The following TUT4 variants were observed in gnomAD, a reference collection of about 807,000 sequenced individuals.
The protein encoded by TUT4 is terminal uridylyltransferase 4.
In TUT4, 36 loss-of-function variants were observed where a neutral mutation model predicts 192.2. The observed-to-expected ratio is 0.19, with a 90% confidence interval of 0.14 to 0.25. The LOEUF (loss-of-function observed/expected upper bound fraction) is 0.25, where lower values mean the gene tolerates loss of function less well. TUT4 is among the 10% of genes least tolerant of loss of function. The probability of loss-of-function intolerance (pLI) is 1.00; values close to 1 mark genes in which losing one functional copy is unlikely to be tolerated. For synonymous variants in TUT4, 618 were observed against 666.0 expected (o/e 0.93, Z 1.11); for missense variants, 1,493 against 1,957.2 (o/e 0.76, Z 4.47).
In TUT4 at chr1:52,496,995, TG is replaced by T. The variant is rs764195148; in HGVS notation, c.1177+10del. On this transcript the variant is annotated intron_variant, in intron 5 of 29. Transcript: ENST00000257177. ...GTGATTTTCAAAATCAAATATGAAA[TG>T]TATTTCTACCTGGTAAAAATGTCGT... 1.9e-6 allele frequency: 3 copies of T among 1,609,168 alleles called. No homozygotes were observed. Among genetic ancestry groups the T allele is most frequent in the Non-Finnish European group, 8.5e-7 (1 of 1,178,430 alleles).
chr1:52,468,543 C>T (rs1455622880), intron 14 of TUT4: 2 of 293,786 alleles, frequency 6.8e-6, no homozygotes, highest in African/African-American at 4.5e-5. Context: ...TGATCATTTT[C>T]CGTATATCTA....
intron 13 of TUT4, 102 bp from the exon 14 acceptor site, chr1:52,472,204 TA>T (rs1665952950): frequency 8.9e-7 from 1 of 1,121,326 alleles, no homozygotes; most frequent in East Asian, 2.7e-5. Context: ...TCAGTTTTGA[TA>T]ACCTGTGCTT....
chr1:52,470,133 A>G (rs1370450970), intron 14 of TUT4, among the ~76,000 whole-genome samples: 3 of 152,068 alleles, frequency 2.0e-5, no homozygotes, highest in Non-Finnish European at 2.9e-5. Context: ...ATATACATGC[A>G]GTGCCAGGAG....
At chr1:52,488,430 A>G (rs1670328844) in intron 9 of TUT4, among the ~76,000 whole-genome samples, 1 of 152,246 alleles carries the variant, frequency 6.6e-6, no homozygotes, top group Non-Finnish European at 1.5e-5. Flanking sequence ...AATTAAGACT[A>G]ATTTAGGAAA....
Position 52,468,433 on chromosome 1 carries a change from T to C in TUT4, c.2879-166A>G, listed in dbSNP as rs535971386. ...TGTTACTGGGGAAGGGTCTGGGAGA[T>C]AGAAGGAAAAAAACTGTTTTTCTGT... On this transcript the variant is annotated intron_variant, in intron 14 of 29. Transcript: ENST00000257177. 7.4e-5 allele frequency: 39 copies of C among 528,780 alleles called. No individual in the cohort carries two copies. The East Asian group carries it at 1.1e-3, about 15-fold the overall frequency. The allele number at this position is 528,780 out of a possible 1,614,324, so 32.8% of individuals were successfully genotyped here.
chr1:52,471,980 T>C lies in TUT4; in HGVS notation c.2850A>G (p.Ile950Met), dbSNP rs573275538. 16 of 1,613,552 alleles carry C rather than the reference T, an allele frequency of 9.9e-6. No individual in the cohort carries two copies. The highest frequency in any genetic ancestry group is 3.3e-5 in the Admixed American group (2 of 60,002). ...AACATCTTTTACATACTAAATCAAG[T>C]ATTTCCCGAAATCGGTTTGTCATTG... ...LPPMTNRFRE[I>M]LDLVCKRCFD... Residue 950 changes from isoleucine to methionine, a missense_variant, in exon 14 of 30, where the codon ATA (isoleucine) becomes ATG (methionine). By Grantham distance (10) the Ile-to-Met change is conservative. Transcript: ENST00000257177.
At chr1:52,491,376 A>C (rs539167326) in intron 7 of TUT4, among the ~76,000 whole-genome samples, 9 of 152,260 alleles carry the variant, frequency 5.9e-5, no homozygotes, top group African/African-American at 1.9e-4. Context: ...CCCATGCCAT[A>C]AATGTCTAAT....
chr1:52,499,605 G>A (rs1308042870), intron 4 of TUT4, among the ~76,000 whole-genome samples: 1 of 151,904 alleles, frequency 6.6e-6, no homozygotes, highest in Non-Finnish European at 1.5e-5. Flanking sequence ...GCATGGTGGT[G>A]CCTACCTCCA....
intron 2 of TUT4, among the ~76,000 whole-genome samples, 174 bp downstream of exon 2, chr1:52,525,389 G>T (rs1681482317): frequency 6.6e-6 from 1 of 151,786 alleles, no homozygotes; most frequent in African/African-American, 2.4e-5. Context: ...CTTCACCAAG[G>T]ATCAATCTAG....
intron 20 of TUT4, among the ~76,000 whole-genome samples, chr1:52,447,561 C>A (rs986424821): frequency 2.0e-5 from 3 of 151,234 alleles, no homozygotes; most frequent in Non-Finnish European, 4.4e-5. Context: ...AATCCGCTGT[C>A]CTAAGGAGAA....
chr1:52,481,886 G>A lies in TUT4; in HGVS notation c.1553C>T (p.Pro518Leu), dbSNP rs762506124. Residue 518 changes from proline (P) to leucine (L), a missense_variant, in exon 10 of 30, where the codon CCT (proline) becomes CTT (leucine). Pro to Leu is a moderately conservative substitution (Grantham distance 98, BLOSUM62 -3). Coordinates refer to ENST00000257177, the MANE Select transcript of TUT4 (RefSeq NM_001009881.3). ...CACCATTAAAGCAAAACAGTAAGAA[G>A]GGATTCCACCATCAGTTTGGGAGTC... is the stretch of plus-strand genomic sequence containing the variant. ...YIDSQTDGGI[P>L]SYCFALMVMF... 6.3e-7 allele frequency: 1 copy of A among 1,596,162 alleles called. No individual in the cohort carries two copies.
chr1:52,485,285 G>C (rs1669504523), intron 9 of TUT4, among the ~76,000 whole-genome samples: 3 of 151,950 alleles, frequency 2.0e-5, no homozygotes, highest in Non-Finnish European at 2.9e-5. Context: ...TATTTTTATG[G>C]CAGAGAATGG....
chr1:52,474,789 A>C (rs1468575898), intron 13 of TUT4, 43 bp downstream of exon 13: 11 of 1,496,724 alleles, frequency 7.3e-6, no homozygotes, highest in Non-Finnish European at 9.8e-6. Flanking sequence ...TAGTCATACA[A>C]CAACCACAAA....
intron 16 of TUT4, chr1:52,462,287 G>A (rs1237139517): frequency 6.7e-6 from 1 of 149,256 alleles, no homozygotes; most frequent in Non-Finnish European, 1.5e-5. Context: ...CCGGGTTCAT[G>A]CCATTCTCCT....
intron 1 of TUT4, among the ~76,000 whole-genome samples, chr1:52,528,532 G>GT (rs1682483929): frequency 6.6e-6 from 1 of 151,046 alleles, no homozygotes; most frequent in African/African-American, 2.4e-5. Flanking sequence ...AAATCAGGAT[G>GT]TTTTTTACTA....
At chr1:52,441,038 C>T (rs1012801113) in intron 24 of TUT4, among the ~76,000 whole-genome samples, 5 of 152,034 alleles carry the variant, frequency 3.3e-5, no homozygotes, top group East Asian at 1.9e-4. Flanking sequence ...TGTATTTTAA[C>T]TGAAAACGCT....
chr1:52,438,931 A>G (rs1160648294), intron 24 of TUT4, among the ~76,000 whole-genome samples: 1 of 152,136 alleles, frequency 6.6e-6, no homozygotes, highest in Non-Finnish European at 1.5e-5. Flanking sequence ...TTAGCTGAGC[A>G]TGGTGGCGTG....
In TUT4 at chr1:52,474,963, A is replaced by T; in HGVS notation, c.2596T>A (p.Cys866Ser). 1 of 1,614,186 alleles carries T rather than the reference A, an allele frequency of 6.2e-7. No individual in the cohort carries two copies. Among genetic ancestry groups the T allele is most frequent in the Non-Finnish European group, 8.5e-7 (1 of 1,180,028 alleles). ...CAAGAGGTAGCAGATGTGTCGGTGC[A>T]CACACTCTGATGTGAACTCTCTGTT... The part of the protein sequence containing the change: ...LETESSHQSV[C>S]TDTSATSCNC... The change falls in exon 13 of 30, where the codon TGC (cysteine) becomes AGC (serine). Residue 866 changes from cysteine to serine, a missense_variant. Around this residue, in one of 7 missense-constraint regions of TUT4, gnomAD observed 245 missense variants for 218.4 expected, o/e 1.12. Coordinates refer to ENST00000257177, the MANE Select transcript of TUT4 (RefSeq NM_001009881.3).
In TUT4 at chr1:52,526,073, C is replaced by T; in HGVS notation, c.208G>A (p.Val70Ile). ...GCAGCATTTACTTTACATGATTTAA[C>T]TTCTGTTTTTTCTATACAAATATCA... is the stretch of plus-strand genomic sequence containing the variant. ...QNDICIEKTE[V>I]KSCKVNAANL... Residue 70 changes from valine (V) to isoleucine (I), a missense_variant, in exon 2 of 30, where the codon GTT becomes ATT. Transcript: ENST00000257177. 1.9e-6 allele frequency: 3 copies of T among 1,610,734 alleles called. No individual in the cohort carries two copies. The highest frequency in any genetic ancestry group is 2.7e-5 in the African/African-American group (2 of 74,776).
Sources: gnomAD v4.1 joint callset for allele counts (sites outside exome capture counted in the v4.1 genomes callset) on GRCh38, gnomAD v4.1.1 for gene constraint, gnomAD v4.1.1 regional missense constraint, MANE v1.5 for transcripts, NCBI Gene and HGNC (gene_info 2026-07-23, HGNC 2026-07-21) for gene names.